The following LAMB4 variants were observed in gnomAD, a reference collection of about 807,000 sequenced individuals.
The protein encoded by LAMB4 is laminin subunit beta-4.
LAMB4 carries 196 observed loss-of-function variants against 199.2 expected under a neutral mutation model. The ratio of observed to expected loss-of-function variants is 0.98; its 90% CI spans 0.88 to 1.11. The LOEUF is 1.11. Ranked by LOEUF, LAMB4 falls within the 50% of genes least tolerant of loss-of-function variation. The probability of loss-of-function intolerance (pLI) is 0.00; values close to 1 mark genes in which losing one functional copy is unlikely to be tolerated. For missense variants in LAMB4, 2,080 were observed against 2,171.2 expected, an observed-to-expected ratio of 0.96 and a Z score of 0.83; for synonymous variants, 744 against 770.6, an observed-to-expected ratio of 0.97 and a Z score of 0.57.
intron 28 of LAMB4, among the ~76,000 whole-genome samples, chr7:108,046,397 G>C (rs1204317938): frequency 6.6e-6 from 1 of 151,842 alleles, no homozygotes; most frequent in Non-Finnish European, 1.5e-5. Context: ...GGCCAGGAGT[G>C]GGCTTTTTTT....
At chr7:108,042,732 AAAC>A (rs755275083) in intron 29 of LAMB4, among the ~76,000 whole-genome samples, 17 of 152,330 alleles carry the variant, frequency 1.1e-4, no homozygotes, top group Admixed American at 3.9e-4. Flanking sequence ...CAGGAAAAAC[AAAC>A]AACAACAACA....
chr7:108,106,064 T>A (rs1158389475), intron 7 of LAMB4, 33 bp from the exon 8 acceptor site: 1 of 1,521,200 alleles, frequency 6.6e-7, no homozygotes, highest in East Asian at 2.3e-5. Context: ...TCAAAGTGAA[T>A]TTGAGGTGCA....
At chr7:108,026,953 T>C (rs2150479330) in intron 33 of LAMB4, 1 of 509,424 alleles carries the variant, frequency 2.0e-6, no homozygotes, top group East Asian at 5.5e-5. Flanking sequence ...GAATGCCTTA[T>C]TTTAGACCTC....
chr7:108,063,486 C>T (rs111914217), intron 22 of LAMB4, among the ~76,000 whole-genome samples: 2 of 152,184 alleles, frequency 1.3e-5, no homozygotes, highest in African/African-American at 2.4e-5. Flanking sequence ...TGAGAAACAA[C>T]GCTTTGAATC....
the LAMB4 span, among the ~76,000 whole-genome samples, chr7:108,015,011 T>A: frequency 7.9e-5 from 12 of 152,144 alleles, no homozygotes; most frequent in Admixed American, 2.0e-4. Flanking sequence ...TGTGAGCCAC[T>A]GCGCCCGGCC....
Position 108,055,655 on chromosome 7 carries a change from G to T in LAMB4, c.3732C>A (p.Val1244=). The T allele has an allele frequency of 1.2e-6, 2 of 1,613,640 alleles. No homozygotes were observed. Among genetic ancestry groups the T allele is most frequent in the South Asian group, 2.2e-5 (2 of 90,934 alleles). The change falls in exon 25 of 34, where the codon GTC becomes GTA. Residue 1244 remains valine (V), a synonymous_variant. Transcript: ENST00000388781. The part of the protein sequence containing the change: ...PVFPSGKFLK[V]KDYHDSVRRQ... ...ACCTAACAGAGTCATGATAATCCTT[G>T]ACTTTTAAGAATTTCCCAGATGGGA... is the stretch of plus-strand genomic sequence containing the variant.
intron 28 of LAMB4, 132 bp from the exon 29 acceptor site, chr7:108,044,028 T>C (rs922434879): frequency 1.2e-5 from 8 of 651,600 alleles, no homozygotes; most frequent in African/African-American, 5.8e-5. Flanking sequence ...AGATAAACCA[T>C]AGATTCATTT....
chr7:108,037,386 A>T lies in LAMB4; in HGVS notation c.4679+2T>A. On this transcript the variant is annotated splice_donor_variant, in intron 30 of 33. Coordinates refer to ENST00000388781, the MANE Select transcript of LAMB4 (RefSeq NM_007356.3). LOFTEE classifies it high-confidence loss of function. Reference sequence around the variant, plus strand: ...AGATAAGAATATTAATACAGTACTTACTCAGCTGCTTTGGCCTTCACCAAA... The same window carrying T: ...AGATAAGAATATTAATACAGTACTTTCTCAGCTGCTTTGGCCTTCACCAAA... 6.2e-7 allele frequency: 1 copy of T among 1,607,952 alleles called. No individual in the cohort carries two copies. Among genetic ancestry groups the T allele is most frequent in the African/African-American group, 1.3e-5 (1 of 74,868 alleles).
chr7:108,047,180 T>C (rs775655087), intron 28 of LAMB4, among the ~76,000 whole-genome samples: 18 of 152,144 alleles, frequency 1.2e-4, no homozygotes, highest in Non-Finnish European at 2.5e-4. Context: ...ATTCTTTCTC[T>C]CTCTCTTTAC....
intron 23 of LAMB4, among the ~76,000 whole-genome samples, chr7:108,058,931 A>G (rs1416460406): frequency 1.3e-5 from 2 of 152,078 alleles, no homozygotes; most frequent in Non-Finnish European, 2.9e-5. Flanking sequence ...TGCTGGGATT[A>G]CCCACACCTG....
At chr7:108,065,099 G>A (rs546281380) in intron 21 of LAMB4, among the ~76,000 whole-genome samples, 17 of 151,898 alleles carry the variant, frequency 1.1e-4, no homozygotes, top group Non-Finnish European at 2.5e-4. Flanking sequence ...GTGGAGACAG[G>A]GTCTTGCTTT....
At chr7:108,113,584 T>A (rs2038305832) in intron 3 of LAMB4, among the ~76,000 whole-genome samples, 1 of 152,214 alleles carries the variant, frequency 6.6e-6, no homozygotes, top group South Asian at 2.1e-4. Context: ...AGAAGCTTTG[T>A]GATTCTATCA....
At chr7:108,019,008 G>A (rs1236428970), downstream of LAMB4, among the ~76,000 whole-genome samples, 7 of 152,062 alleles carry the variant, frequency 4.6e-5, no homozygotes, top group Non-Finnish European at 7.4e-5. Flanking sequence ...GGGGATAGCC[G>A]GCTCTCCATA....
chr7:108,117,879 A>G (rs866924559), intron 2 of LAMB4, among the ~76,000 whole-genome samples: 15 of 152,330 alleles, frequency 9.8e-5, no homozygotes, highest in Admixed American at 3.3e-4. Context: ...GAGGACAACC[A>G]GAGGTCACTG....
rs1436459783 is a variant in LAMB4 at position 108,078,247 on chromosome 7, T to C, written c.1957A>G (p.Thr653Ala). 6.2e-7 allele frequency: 1 copy of C among 1,611,728 alleles called. No individual in the cohort carries two copies. The highest frequency in any genetic ancestry group is 1.3e-5 in the African/African-American group (1 of 74,934). Residue 653 changes from threonine to alanine, a missense_variant, in exon 16 of 34, where the codon ACT becomes GCT. Coordinates refer to ENST00000388781, the MANE Select transcript of LAMB4 (RefSeq NM_007356.3). ...AAAGACTGAGGCTTTGACTGTAGAG[T>C]CTTGGGTATGCAGTGCTCACTCCCT... ...PGGSEHCIPK[T>A]LQSKPQSFAL...
intron 14 of LAMB4, among the ~76,000 whole-genome samples, chr7:108,090,152 G>A (rs2037342968): frequency 6.6e-6 from 1 of 152,160 alleles, no homozygotes; most frequent in South Asian, 2.1e-4. Context: ...GCAAAGCATA[G>A]CACATTAAAT....
chr7:108,035,604 C>CAAAAAAAAAAAA (rs34425857), intron 30 of LAMB4, among the ~76,000 whole-genome samples: 7 of 79,944 alleles, frequency 8.8e-5, no homozygotes, highest in African/African-American at 3.2e-4. Context: ...TAGAGAGTAC[C>CAAAAAAAAAAAA]AAAAAAAAAA....
chr7:108,123,213 G>A lies in LAMB4; in HGVS notation c.-33-16C>T, dbSNP rs767071351. On this transcript the variant is annotated splice_polypyrimidine_tract_variant and intron_variant, in intron 1 of 33. Coordinates refer to ENST00000388781, the MANE Select transcript of LAMB4 (RefSeq NM_007356.3). ...TTCAATTCTACTGGGTTAAAAAAAG[G>A]TTAAAGTCAATCACTGATAGAAGAA... 3 of 1,498,778 alleles carry A rather than the reference G, an allele frequency of 2.0e-6. No individual in the cohort carries two copies. The highest frequency in any genetic ancestry group is 2.8e-6 in the Non-Finnish European group (3 of 1,089,042). The allele number at this position is 1,498,778 out of a possible 1,614,324, so 92.8% of individuals were successfully genotyped here.
intron 29 of LAMB4, among the ~76,000 whole-genome samples, chr7:108,043,545 G>GTGTTTTTTTT (rs2035496985): frequency 5.4e-5 from 3 of 55,996 alleles, no homozygotes; most frequent in African/African-American, 4.4e-4. Flanking sequence ...TGGCTATGAT[G>GTGTTTTTTTT]TTTTTTTTTT....
Sources: allele counts gnomAD v4.1 joint callset (sites outside exome capture counted in the v4.1 genomes callset), GRCh38; gene constraint gnomAD v4.1.1; transcripts MANE v1.5; gene names NCBI Gene and HGNC (gene_info 2026-07-23, HGNC 2026-07-21).